Variants in UBR2 observed in about 807,000 individuals in gnomAD.
UBR2 encodes the protein ubiquitin protein ligase E3 component n-recognin 2.
UBR2 carries 92 observed loss-of-function variants against 247.9 expected under a neutral mutation model. The ratio of observed to expected loss-of-function variants is 0.37; its 90% CI spans 0.31 to 0.44. The LOEUF (loss-of-function observed/expected upper bound fraction) is 0.44. Among genes scored for constraint, UBR2 ranks in the 20% least tolerant of loss-of-function variants. The probability of loss-of-function intolerance (pLI) is 1.00; values close to 1 mark genes in which losing one functional copy is unlikely to be tolerated. For missense variants in UBR2, 1,613 were observed against 2,112.6 expected (o/e 0.76, Z 4.64); for synonymous variants, 672 against 693.5 (o/e 0.97, Z 0.49).
intron 7 of UBR2, among the ~76,000 whole-genome samples, chr6:42,610,056 A>G (rs140245403): frequency 5.3e-5 from 8 of 152,328 alleles, no homozygotes; most frequent in Non-Finnish European, 7.3e-5. Flanking sequence ...ATGCACCTAT[A>G]GTCTCAGCTA....
At chr6:42,578,495 AAT>A (rs1214199865) in intron 2 of UBR2, among the ~76,000 whole-genome samples, 1 of 152,134 alleles carries the variant, frequency 6.6e-6, no homozygotes, top group Non-Finnish European at 1.5e-5. Flanking sequence ...TGTCTTTAGC[AAT>A]GATTTTTTTA....
intron 11 of UBR2, among the ~76,000 whole-genome samples, chr6:42,631,750 A>G (rs1795724392): frequency 6.6e-6 from 1 of 150,920 alleles, no homozygotes; most frequent in East Asian, 1.9e-4. Context: ...ATAATATGCT[A>G]TCTTTTGTAG....
At chr6:42,684,684 AG>A (rs1481191880) in intron 43 of UBR2, 109 bp from the exon 44 acceptor site, 4 of 597,626 alleles carry the variant, frequency 6.7e-6, no homozygotes, top group African/African-American at 1.9e-5. Flanking sequence ...AAGTAGTGAA[AG>A]GCCATACCAT....
In UBR2 at chr6:42,569,038, A is replaced by C. The variant is rs116520816; in HGVS notation, c.78+4641A>C. Among the ~76,000 whole-genome samples the C allele has an allele frequency of 3.9e-3, 593 of 152,342 alleles. 1 individual carries two copies. The highest frequency in any genetic ancestry group is 0.013 in the African/African-American group (556 of 41,570). ...ATTGCCAAATGACATTCCTTTGTATAGATAAACCATATATTATTTATCTGT... is the reference window on the plus strand; with the variant it reads ...ATTGCCAAATGACATTCCTTTGTATCGATAAACCATATATTATTTATCTGT... On this transcript the variant is annotated intron_variant, in intron 1 of 46. Transcript: ENST00000372901.
chr6:42,622,962 C>T (rs1795095481), intron 11 of UBR2, among the ~76,000 whole-genome samples: 1 of 152,016 alleles, frequency 6.6e-6, no homozygotes, highest in African/African-American at 2.4e-5. Flanking sequence ...CCACTGTGCC[C>T]AGCCAGTTTG....
At position 42,676,066 on chromosome 6, in the gene UBR2, T is replaced by C. The variant is rs776802942; in HGVS notation, c.4262T>C (p.Val1421Ala). Residue 1421 changes from valine (V) to alanine (A), a missense_variant, in exon 39 of 47, where the codon GTG (valine) becomes GCG (alanine). This residue lies in a region of UBR2 where 1,524 missense variants were observed against 1,967.3 expected (regional missense o/e 0.77). Transcript: ENST00000372901. The part of the protein sequence containing the change: ...IDMFHLLVGL[V>A]LAFPALQCQD... ...GTGTTTGGTGCCTAGGTGGGCTTGG[T>C]GCTTGCATTTCCTGCGTTGCAGTGT... 2.9e-5 allele frequency: 46 copies of C among 1,612,014 alleles called. No homozygotes were observed. Among genetic ancestry groups the C allele is most frequent in the Non-Finnish European group, 3.7e-5 (44 of 1,179,392 alleles).
rs1791920529 is a variant in UBR2 at position 42,581,809 on chromosome 6, A to AC, written c.338+7817dup. Among the ~76,000 whole-genome samples the AC allele has an allele frequency of 2.0e-5, 3 of 152,188 alleles. No individual in the cohort carries two copies. The South Asian group carries it at 6.2e-4, about 31-fold the overall frequency. ...CTACAATCTGTTGTTCTGTTGATGA[A>AC]CATTCGAGTTGTTTCTAAGTTTTGG... On this transcript the variant is annotated intron_variant, in intron 2 of 46. Coordinates refer to ENST00000372901, the MANE Select transcript of UBR2 (RefSeq NM_001363705.2).
intron 1 of UBR2, among the ~76,000 whole-genome samples, chr6:42,565,112 AC>A (rs757068787): frequency 2.0e-5 from 3 of 152,266 alleles, no homozygotes; most frequent in Non-Finnish European, 2.9e-5. Context: ...TTCAACAAAT[AC>A]TGTATAAGCT....
At chr6:42,600,280 T>C (rs1793276030) in intron 4 of UBR2, among the ~76,000 whole-genome samples, 1 of 152,192 alleles carries the variant, frequency 6.6e-6, no homozygotes, top group Admixed American at 6.5e-5. Context: ...TTCTTCTAGC[T>C]TGAAAGAATA....
intron 11 of UBR2, among the ~76,000 whole-genome samples, chr6:42,628,722 CAAAAAA>C (rs34316224): frequency 9.7e-6 from 1 of 102,882 alleles, no homozygotes; most frequent in Non-Finnish European, 2.0e-5. Context: ...GGCTCTGACT[CAAAAAA>C]AAAAAAAAAA....
Position 42,564,114 on chromosome 6 carries a change from C to G in UBR2, c.-206C>G. 5.2e-6 allele frequency: 3 copies of G among 578,910 alleles called. No individual in the cohort carries two copies. The allele number at this position is 578,910 out of a possible 1,614,324, so 35.9% of individuals were successfully genotyped here. A position where few individuals can be genotyped will look rare whatever the true frequency, so the allele number is the denominator to read the frequency against. On this transcript the variant is annotated 5_prime_UTR_variant, in exon 1 of 47. Coordinates refer to ENST00000372901, the MANE Select transcript of UBR2 (RefSeq NM_001363705.2). ...GAGCCAGTGACTTGACTCTTGGGCG[C>G]TAAGCTTGGGAGGGAGCGCAGGAGG...
intron 1 of UBR2, among the ~76,000 whole-genome samples, chr6:42,567,953 G>A (rs771696945): frequency 6.6e-6 from 1 of 152,128 alleles, no homozygotes; most frequent in Non-Finnish European, 1.5e-5. Flanking sequence ...AGGCTAAGCA[G>A]GGAGGATCGC....
intron 16 of UBR2, among the ~76,000 whole-genome samples, chr6:42,640,646 T>C (rs752725750): frequency 6.6e-6 from 1 of 152,118 alleles, no homozygotes; most frequent in Non-Finnish European, 1.5e-5. Context: ...GGGACGTCAG[T>C]CTTTTCTCAA....
chr6:42,601,107 C>T lies in UBR2; in HGVS notation c.532-2481C>T, dbSNP rs181574968. Among the ~76,000 whole-genome samples the T allele has an allele frequency of 3.1e-3, 468 of 152,222 alleles. 11 individuals carry two copies. The highest frequency in any genetic ancestry group is 0.028 in the Admixed American group (422 of 15,284). ...TCCAGGACCATTAAAGTTTTATAAA[C>T]CCTGTTTATCAAACTCTTCAATCCT... On this transcript the variant is annotated intron_variant, in intron 4 of 46. Coordinates refer to ENST00000372901, the MANE Select transcript of UBR2 (RefSeq NM_001363705.2).
intron 2 of UBR2, among the ~76,000 whole-genome samples, chr6:42,584,097 G>A (rs1562283818): frequency 1.3e-5 from 2 of 150,086 alleles, no homozygotes; most frequent in South Asian, 2.1e-4. Context: ...TACTGGGTTC[G>A]AGCAATTCTC....
At chr6:42,578,958 A>AACAAACACACACACAC (rs1415279279) in intron 2 of UBR2, among the ~76,000 whole-genome samples, 228 of 116,360 alleles carry the variant, frequency 2.0e-3, no homozygotes, top group African/African-American at 8.2e-3. Context: ...CCATCTCAAA[A>AACAAACACACACACAC]ACACACACAC....
chr6:42,574,822 A>C (rs576585331), intron 2 of UBR2, among the ~76,000 whole-genome samples: 1 of 151,662 alleles, frequency 6.6e-6, no homozygotes, highest in African/African-American at 2.4e-5. Context: ...CAGCCTCCCA[A>C]CTGGCTGGGA....
At chr6:42,593,317 C>T (rs942195790) in intron 3 of UBR2, among the ~76,000 whole-genome samples, 7 of 152,288 alleles carry the variant, frequency 4.6e-5, no homozygotes, top group African/African-American at 1.7e-4. Context: ...GAAACAAGCA[C>T]GTGTCATTTT....
rs894454478 is a variant in UBR2, at chr6:42,564,258, G to T, written c.-62G>T. On this transcript the variant is annotated 5_prime_UTR_variant, in exon 1 of 47. Transcript: ENST00000372901. ...GCAGGGGTGGCAGTCGAGGCCGCCG[G>T]GGCCGAGGTGAGGCTGCAGCTCTCC... 28 of 1,567,802 alleles carry T rather than the reference G, an allele frequency of 1.8e-5. No homozygotes were observed. Among genetic ancestry groups the T allele is most frequent in the South Asian group, 1.4e-4 (12 of 85,386 alleles).
Sources: allele counts gnomAD v4.1 joint callset (sites outside exome capture counted in the v4.1 genomes callset), GRCh38; gene constraint gnomAD v4.1.1; regional missense constraint gnomAD v4.1.1; transcripts MANE v1.5; gene names NCBI Gene and HGNC (gene_info 2026-07-23, HGNC 2026-07-21).